Variants in PACSIN1 observed in about 807,000 individuals in gnomAD.
The protein encoded by PACSIN1 is protein kinase C and casein kinase substrate in neurons 1.
In PACSIN1, 15 loss-of-function variants were observed where a neutral mutation model predicts 59.5. The ratio of observed to expected loss-of-function variants is 0.25; its 90% confidence interval spans 0.17 to 0.39. The LOEUF (loss-of-function observed/expected upper bound fraction) is 0.39, where lower values mean the gene tolerates loss of function less well. Among genes scored for constraint, PACSIN1 ranks in the 10% least tolerant of loss-of-function variants. The pLI, the probability that PACSIN1 is intolerant of heterozygous loss-of-function variation, is 1.00. For synonymous variants in PACSIN1, 210 were observed against 220.6 expected (o/e 0.95, Z 0.42); for missense variants, 420 against 580.2 (o/e 0.72, Z 2.84).
chr6:34,502,843 T>G lies in PACSIN1; in HGVS notation c.-63-23400T>G, dbSNP rs147560426. 6.6e-4 allele frequency among the ~76,000 whole-genome samples: 101 copies of G among 152,262 alleles called. 3 individuals carry two copies. The South Asian group carries it at 0.013, about 20-fold the overall frequency. ...GAGCCACCCAGCTGAGCCCAGTCAA[T>G]CCACAGAGTCATCATAAATCATCAT... On this transcript the variant is annotated intron_variant, in intron 1 of 9. Transcript: ENST00000244458.
chr6:34,499,328 C>G (rs1198991608), intron 1 of PACSIN1, among the ~76,000 whole-genome samples: 2 of 151,556 alleles, frequency 1.3e-5, no homozygotes, highest in African/African-American at 4.9e-5. Context: ...TACAAGGTTC[C>G]TTGCTCACCA....
intron 1 of PACSIN1, among the ~76,000 whole-genome samples, chr6:34,470,319 T>C (rs1766553483): frequency 6.6e-6 from 1 of 151,372 alleles, no homozygotes; most frequent in Non-Finnish European, 1.5e-5. Flanking sequence ...TAGCTGGGAT[T>C]ACAGGCGCCC....
intron 1 of PACSIN1, among the ~76,000 whole-genome samples, chr6:34,501,982 A>G (rs1020845999): frequency 6.7e-6 from 1 of 148,720 alleles, no homozygotes; most frequent in Non-Finnish European, 1.5e-5. Context: ...CAGTGAGCTG[A>G]GATCACACCA....
Position 34,529,630 on chromosome 6 carries a change from C to T in PACSIN1, c.613-36C>T. Reference sequence around the variant, plus strand: ...TGGTGGCTGGGAGCTGCAGGCCTGGCTAGGTGTCACCCTCTCTCCACTCTG... The same window carrying T: ...TGGTGGCTGGGAGCTGCAGGCCTGGTTAGGTGTCACCCTCTCTCCACTCTG... On this transcript the variant is annotated intron_variant, in intron 5 of 9. Coordinates refer to ENST00000244458, the MANE Select transcript of PACSIN1 (RefSeq NM_020804.5). The surrounding 1 kb of genome is among the most constrained non-coding windows in gnomAD (Gnocchi z 6.3). 1 of 1,612,554 alleles carries T rather than the reference C, an allele frequency of 6.2e-7. No homozygotes were observed. Among genetic ancestry groups the T allele is most frequent in the Non-Finnish European group, 8.5e-7 (1 of 1,178,878 alleles).
chr6:34,500,393 G>A (rs1767006257), intron 1 of PACSIN1, among the ~76,000 whole-genome samples: 1 of 152,174 alleles, frequency 6.6e-6, no homozygotes, highest in African/African-American at 2.4e-5. Context: ...ATGTAAACTG[G>A]TACAGCCACT....
rs1561969906 is a variant in PACSIN1 at position 34,525,436 on chromosome 6, G to A, written c.-63-807G>A. Among the ~76,000 whole-genome samples, 1 of 152,238 alleles carries A rather than the reference G, an allele frequency of 6.6e-6. No homozygotes were observed. Among genetic ancestry groups the A allele is most frequent in the Non-Finnish European group, 1.5e-5 (1 of 68,040 alleles). ...AATCTTACAGAGGCCAGCCTTCCCT[G>A]AGCATCCACACTGTCAGGGTTCACA... On this transcript the variant is annotated intron_variant, in intron 1 of 9. Transcript: ENST00000244458. This position sits in a 1 kb window ranked among gnomAD's most constrained non-coding sequence, Gnocchi z 4.9.
intron 1 of PACSIN1, among the ~76,000 whole-genome samples, chr6:34,501,183 G>C (rs761798344): frequency 6.6e-6 from 1 of 152,324 alleles, no homozygotes; most frequent in East Asian, 1.9e-4. Context: ...CTGCACTCCA[G>C]CCTGGGTGCC....
chr6:34,493,524 C>T (rs749133478), intron 1 of PACSIN1, among the ~76,000 whole-genome samples: 1 of 152,184 alleles, frequency 6.6e-6, no homozygotes, highest in Non-Finnish European at 1.5e-5. Context: ...TACAATCCCA[C>T]CAGCAGTGTT....
Position 34,515,830 on chromosome 6 carries a change from CGCTGCTGCTGGGG to C in PACSIN1, c.-63-10411_-63-10399del, listed in dbSNP as rs542078825. On this transcript the variant is annotated intron_variant, in intron 1 of 9. Transcript: ENST00000244458. The surrounding 1 kb of genome is among the most constrained non-coding windows in gnomAD (Gnocchi z 4.4). Reference sequence around the variant, plus strand: ...GCTGCATTGCTCCTGGGGACAGACTCGCTGCTGCTGGGGGAGCTCTTGGGCACTGCCACTGCGG... The same window carrying C: ...GCTGCATTGCTCCTGGGGACAGACTCGAGCTCTTGGGCACTGCCACTGCGG... 6.6e-6 allele frequency among the ~76,000 whole-genome samples: 1 copy of C among 152,276 alleles called. No individual in the cohort carries two copies. The highest frequency in any genetic ancestry group is 6.5e-5 in the Admixed American group (1 of 15,300).
At position 34,527,475 on chromosome 6, in the gene PACSIN1, G is replaced by A; in HGVS notation, c.207G>A (p.Gln69=). 6.3e-7 allele frequency: 1 copy of A among 1,592,512 alleles called. No individual in the cohort carries two copies. The highest frequency in any genetic ancestry group is 1.8e-5 in the Admixed American group (1 of 56,814). The part of the protein sequence containing the change: ...QLTDWAKRWR[Q]LIEKGPQYGS... The stretch of plus-strand genomic sequence containing the variant: ...CCGACTGGGCCAAGCGTTGGCGCCA[G>A]CTCATCGAGAAAGGTGCTCCCCCAG... Residue 69 remains glutamine (Q), a synonymous_variant, in exon 3 of 10, where the codon CAG becomes CAA. Transcript: ENST00000244458.
intron 1 of PACSIN1, among the ~76,000 whole-genome samples, chr6:34,469,206 T>C (rs1372637438): frequency 6.6e-6 from 1 of 152,028 alleles, no homozygotes; most frequent in African/African-American, 2.4e-5. Context: ...TGCTGCTTGG[T>C]TTGGTTTTAC....
At chr6:34,485,305 TG>T (rs1452401769) in intron 1 of PACSIN1, among the ~76,000 whole-genome samples, 1 of 151,944 alleles carries the variant, frequency 6.6e-6, no homozygotes, top group Non-Finnish European at 1.5e-5. Flanking sequence ...TGACTGCAGC[TG>T]CCGTCTGGCA....
chr6:34,483,375 C>T (rs932682039), intron 1 of PACSIN1, among the ~76,000 whole-genome samples: 1 of 152,134 alleles, frequency 6.6e-6, no homozygotes, highest in Non-Finnish European at 1.5e-5. Flanking sequence ...GGACAAAGGA[C>T]CTTGGGATGT....
chr6:34,529,785 C>T lies in PACSIN1; in HGVS notation c.732C>T (p.Phe244=). 1 of 1,614,032 alleles carries T rather than the reference C, an allele frequency of 6.2e-7. No individual in the cohort carries two copies. The highest frequency in any genetic ancestry group is 8.5e-7 in the Non-Finnish European group (1 of 1,179,990). Residue 244 remains phenylalanine, a synonymous_variant, in exon 6 of 10, where the codon TTC becomes TTT. Transcript: ENST00000244458. The surrounding 1 kb of genome is among the most constrained non-coding windows in gnomAD (Gnocchi z 6.3). ...CQQFEEKRLV[F]LKEVLLDIKR... ...AATTTGAGGAAAAGCGGCTGGTCTTCCTCAAGGAGGTGCTGCTGGACATCA... is the reference window on the plus strand; with the variant it reads ...AATTTGAGGAAAAGCGGCTGGTCTTTCTCAAGGAGGTGCTGCTGGACATCA...
intron 1 of PACSIN1, among the ~76,000 whole-genome samples, chr6:34,506,838 G>C (rs1440907927): frequency 6.6e-6 from 1 of 152,174 alleles, no homozygotes; most frequent in Non-Finnish European, 1.5e-5. Context: ...ACCCAGCATG[G>C]AGAGGGAGGG....
At chr6:34,482,947 A>G (rs568631069) in intron 1 of PACSIN1, among the ~76,000 whole-genome samples, 5 of 151,270 alleles carry the variant, frequency 3.3e-5, no homozygotes, top group Middle Eastern at 3.5e-3. Context: ...TTGGCTTCCC[A>G]AAGTGCTGGG....
intron 1 of PACSIN1, among the ~76,000 whole-genome samples, chr6:34,477,010 C>T (rs180927863): frequency 6.8e-4 from 104 of 152,252 alleles, no homozygotes; most frequent in African/African-American, 2.1e-3. Flanking sequence ...TCCCTAGGAC[C>T]CCCTCGTTCC....
Position 34,518,119 on chromosome 6 carries a change from C to T in PACSIN1, c.-63-8124C>T, listed in dbSNP as rs1767325033. Reference sequence around the variant, plus strand: ...TCCTTTTCTCCAATCCAGCTGTGACCAGAGCTGCTCTGCCCGGCCAGGCCC... The same window carrying T: ...TCCTTTTCTCCAATCCAGCTGTGACTAGAGCTGCTCTGCCCGGCCAGGCCC... On this transcript the variant is annotated intron_variant, in intron 1 of 9. Coordinates refer to ENST00000244458, the MANE Select transcript of PACSIN1 (RefSeq NM_020804.5). This position sits in a 1 kb window ranked among gnomAD's most constrained non-coding sequence, Gnocchi z 4.4. Among the ~76,000 whole-genome samples, 2 of 152,366 alleles carry T rather than the reference C, an allele frequency of 1.3e-5. No homozygotes were observed. Among genetic ancestry groups the T allele is most frequent in the Middle Eastern group, 3.4e-3 (1 of 294 alleles).
At chr6:34,498,032 C>G (rs1766972236) in intron 1 of PACSIN1, among the ~76,000 whole-genome samples, 1 of 151,760 alleles carries the variant, frequency 6.6e-6, no homozygotes, top group African/African-American at 2.4e-5. Context: ...CAGAAAAGTC[C>G]TTTGCCTGTT....
Sources: allele counts gnomAD v4.1 joint callset (sites outside exome capture counted in the v4.1 genomes callset), GRCh38; gene constraint gnomAD v4.1.1; non-coding constraint Gnocchi (gnomAD v3.1); transcripts MANE v1.5; gene names NCBI Gene and HGNC (gene_info 2026-07-23, HGNC 2026-07-21).